NUMB: variants seen among roughly 807,000 people sequenced by gnomAD.
NUMB encodes the protein NUMB endocytic adaptor protein, also known as protein numb homolog.
In NUMB, 29 loss-of-function variants were observed where a neutral mutation model predicts 59.7. The observed-to-expected ratio is 0.49, with a 90% CI of 0.36 to 0.66. NUMB has a LOEUF of 0.66. Among genes scored for constraint, NUMB ranks in the 30% least tolerant of loss-of-function variants. The probability of loss-of-function intolerance (pLI) is 0.00; values close to 1 mark genes in which losing one functional copy is unlikely to be tolerated. For missense variants in NUMB, 723 were observed against 822.0 expected, an observed-to-expected ratio of 0.88 and a Z score of 1.47; for synonymous variants, 288 against 288.2, an observed-to-expected ratio of 1.00 and a Z score of 0.01.
chr14:73,458,543 C>T lies in NUMB; in HGVS notation c.-283G>A, dbSNP rs1884599437. ...GCGCCACTGCCTCTACCTCGGCCGC[C>T]AGTGGCCACCAAGCGCCACCACCTC... On this transcript the variant is annotated 5_prime_UTR_variant, in exon 1 of 13. Coordinates refer to ENST00000555238, the MANE Select transcript of NUMB (RefSeq NM_001005743.2). 1 of 152,444 alleles carries T rather than the reference C, an allele frequency of 6.6e-6. No individual in the cohort carries two copies. Among genetic ancestry groups the T allele is most frequent in the Non-Finnish European group, 1.5e-5 (1 of 68,186 alleles). The allele number at this position is 152,444 out of a possible 1,614,324, so 9.4% of individuals were successfully genotyped here.
At chr14:73,283,264 C>T (rs1221885513) in intron 10 of NUMB, among the ~76,000 whole-genome samples, 1 of 152,154 alleles carries the variant, frequency 6.6e-6, no homozygotes, top group Non-Finnish European at 1.5e-5. Flanking sequence ...AAAGACCCTC[C>T]GTAATCATCT....
intron 3 of NUMB, among the ~76,000 whole-genome samples, chr14:73,363,283 C>T (rs570325050): frequency 6.6e-6 from 1 of 151,772 alleles, no homozygotes; most frequent in African/African-American, 2.4e-5. Context: ...ACAACAGAGA[C>T]CTTGTCTCAA....
intron 2 of NUMB, among the ~76,000 whole-genome samples, chr14:73,397,127 CA>C (rs1414066405): frequency 6.6e-6 from 1 of 150,674 alleles, no homozygotes; most frequent in South Asian, 2.1e-4. Flanking sequence ...TATGCCGTCT[CA>C]AAAAAACAAA....
At chr14:73,278,233 C>T (rs922147974) in intron 12 of NUMB, among the ~76,000 whole-genome samples, 4 of 151,900 alleles carry the variant, frequency 2.6e-5, no homozygotes, top group African/African-American at 9.7e-5. Context: ...ATGTTAAAAC[C>T]TTTTGAGGCC....
At chr14:73,334,853 G>A (rs1258640607) in intron 4 of NUMB, among the ~76,000 whole-genome samples, 1 of 151,386 alleles carries the variant, frequency 6.6e-6, no homozygotes, top group Non-Finnish European at 1.5e-5. Flanking sequence ...GGAAGCTAAG[G>A]CAGGAGAATA....
intron 7 of NUMB, 35 bp downstream of exon 7, chr14:73,297,176 A>G (rs1172436539): frequency 7.0e-7 from 1 of 1,426,536 alleles, no homozygotes; most frequent in East Asian, 2.3e-5. Context: ...TCCAAAAAAA[A>G]TAAAATAAAT....
intron 1 of NUMB, among the ~76,000 whole-genome samples, chr14:73,441,238 T>A (rs1453094699): frequency 1.3e-5 from 2 of 152,092 alleles, no homozygotes; most frequent in Non-Finnish European, 2.9e-5. Flanking sequence ...ATCAGGGAAA[T>A]GCAAATCAAA....
chr14:73,287,251 G>A lies in NUMB; in HGVS notation c.514C>T (p.Arg172Trp). 6.2e-7 allele frequency: 1 copy of A among 1,613,442 alleles called. No homozygotes were observed. The highest frequency in any genetic ancestry group is 8.5e-7 in the Non-Finnish European group (1 of 1,179,926). ...FAACLERKQK[R>W]EKECGVTATF... The stretch of plus-strand genomic sequence containing the variant: ...GCAGTCACTCCACATTCCTTCTCCC[G>A]CTTCTGCTTGCGCTCTAAACAGGCT... The change falls in exon 9 of 13, where the codon CGG becomes TGG. Residue 172 changes from arginine (R) to tryptophan (W), a missense_variant. Arg to Trp is a moderately radical substitution (Grantham distance 101, BLOSUM62 -3). Coordinates refer to ENST00000555238, the MANE Select transcript of NUMB (RefSeq NM_001005743.2).
chr14:73,457,272 C>T (rs1023301615), intron 1 of NUMB, among the ~76,000 whole-genome samples: 5 of 152,116 alleles, frequency 3.3e-5, no homozygotes, highest in Admixed American at 3.3e-4. Context: ...TGTCAATGAA[C>T]CTATTTCCTA....
In NUMB at chr14:73,343,973, T is replaced by C. The variant is rs2139985053; in HGVS notation, c.126+11653A>G. Among the ~76,000 whole-genome samples, 3 of 152,288 alleles carry C rather than the reference T, an allele frequency of 2.0e-5. No individual in the cohort carries two copies. In the East Asian group the frequency reaches 5.8e-4, roughly 29 times the overall value. On this transcript the variant is annotated intron_variant, in intron 4 of 12. Transcript: ENST00000555238. The stretch of plus-strand genomic sequence containing the variant: ...TGTTAGGGGTTGGGGGTTGCCTAAG[T>C]TGGGGATAGAAGATAAGGTACCTCT...
intron 12 of NUMB, 105 bp from the exon 13 acceptor site, chr14:73,277,398 C>A (rs561328252): frequency 4.0e-5 from 35 of 876,742 alleles, no homozygotes; most frequent in Middle Eastern, 6.5e-4. Context: ...CATGTCCCCC[C>A]CTAATGGGAC....
chr14:73,292,934 A>T (rs1594870767), intron 7 of NUMB, 60 bp from the exon 8 acceptor site: 1 of 1,526,896 alleles, frequency 6.5e-7, no homozygotes, highest in East Asian at 2.3e-5. Flanking sequence ...GCTTCTCAGA[A>T]CACAGGATGT....
intron 1 of NUMB, among the ~76,000 whole-genome samples, chr14:73,428,665 C>T (rs1897688450): frequency 6.6e-6 from 1 of 152,072 alleles, no homozygotes; most frequent in African/African-American, 2.4e-5. Flanking sequence ...GTGGTGCATG[C>T]CTGAGTCCCA....
At position 73,361,476 on chromosome 14, in the gene NUMB, TA is replaced by T. The variant is rs1411008254; in HGVS notation, c.-16+5420del. The stretch of plus-strand genomic sequence containing the variant: ...AGAATTTCTTTTTTTTTTTAACTTT[TA>T]TTTTCAGTTTGGGGGTACATGTGAA... On this transcript the variant is annotated intron_variant, in intron 3 of 12. Transcript: ENST00000555238. 2.4e-4 allele frequency among the ~76,000 whole-genome samples: 36 copies of T among 152,164 alleles called. 1 individual carries two copies. Among genetic ancestry groups the T allele is most frequent in the African/African-American group, 8.4e-4 (35 of 41,438 alleles).
intron 2 of NUMB, among the ~76,000 whole-genome samples, chr14:73,389,334 T>C (rs1212174860): frequency 6.7e-6 from 1 of 148,262 alleles, no homozygotes; most frequent in African/African-American, 2.5e-5. Flanking sequence ...ACATATCTTC[T>C]CTTTATTTAT....
intron 1 of NUMB, among the ~76,000 whole-genome samples, chr14:73,413,764 A>G (rs12878198): frequency 0.18 from 27,626 of 151,976 alleles, 3,111 homozygotes; most frequent in Non-Finnish European, 0.25. Flanking sequence ...CCCGAGTGAC[A>G]GAGCAAGACT....
chr14:73,411,706 T>A (rs1384544074), intron 1 of NUMB, among the ~76,000 whole-genome samples: 1 of 152,130 alleles, frequency 6.6e-6, no homozygotes, highest in Non-Finnish European at 1.5e-5. Flanking sequence ...AATAAATTGG[T>A]AAACGGCTAA....
In NUMB at chr14:73,368,111, T is replaced by C. The variant is rs1894464081; in HGVS notation, c.-100-1130A>G. ...TATTTCTGTCCCCAAAGAAAATATG[T>C]GGCTGGCAAGAGGGTAAATATTGTA... On this transcript the variant is annotated intron_variant, in intron 2 of 12. Coordinates refer to ENST00000555238, the MANE Select transcript of NUMB (RefSeq NM_001005743.2). 2.6e-5 allele frequency among the ~76,000 whole-genome samples: 4 copies of C among 151,924 alleles called. No homozygotes were observed. The South Asian group carries it at 8.3e-4, about 31-fold the overall frequency.
In NUMB at chr14:73,276,383, C is replaced by CT. The variant is rs1244149475; in HGVS notation, c.*194dup. 3 of 544,738 alleles carry CT rather than the reference C, an allele frequency of 5.5e-6. No individual in the cohort carries two copies. In the African/African-American group the frequency reaches 5.7e-5, roughly 10 times the overall value. The allele number at this position is 544,738 out of a possible 1,614,324, so 33.7% of individuals were successfully genotyped here. On this transcript the variant is annotated 3_prime_UTR_variant, in exon 13 of 13. Transcript: ENST00000555238. Reference sequence around the variant, plus strand: ...CTTCTTTAGCCTAATTGCAAGGCAGCTTTTCTCTAGGAATGCTTTTTCCCA... The same window carrying CT: ...CTTCTTTAGCCTAATTGCAAGGCAGCTTTTTCTCTAGGAATGCTTTTTCCCA...
Sources: allele counts gnomAD v4.1 joint callset (sites outside exome capture counted in the v4.1 genomes callset), GRCh38; gene constraint gnomAD v4.1.1; transcripts MANE v1.5; gene names NCBI Gene and HGNC (gene_info 2026-07-23, HGNC 2026-07-21).